Variants in POLR1D observed in about 807,000 individuals in gnomAD.
POLR1D encodes the protein RNA polymerase I and III subunit D, also known as DNA-directed RNA polymerases I and III subunit RPAC2.
Under a neutral mutation model 10.8 loss-of-function variants are expected in POLR1D, and 8 were observed. The observed-to-expected ratio is 0.74, with a 90% confidence interval of 0.43 to 1.33. POLR1D has a LOEUF of 1.33. Ranked by LOEUF, POLR1D falls within the 40% of genes most tolerant of loss-of-function variation. The pLI, the probability that POLR1D is intolerant of heterozygous loss-of-function variation, is 0.01. For synonymous variants in POLR1D, 54 were observed against 57.2 expected, an observed-to-expected ratio of 0.94 and a Z score of 0.25; for missense variants, 152 against 161.7, an observed-to-expected ratio of 0.94 and a Z score of 0.32.
intron 1 of POLR1D, among the ~76,000 whole-genome samples, chr13:27,640,183 C>A (rs1956161480): frequency 6.6e-6 from 1 of 152,092 alleles, no homozygotes; most frequent in African/African-American, 2.4e-5. Context: ...CATATTATAA[C>A]TGTATTCAAA....
chr13:27,659,835 G>C (rs948945171), intron 2 of POLR1D, among the ~76,000 whole-genome samples: 1 of 151,724 alleles, frequency 6.6e-6, no homozygotes, highest in Admixed American at 6.6e-5. Flanking sequence ...CAAAGACAGA[G>C]ACACATAAAC....
At chr13:27,638,602 A>T (rs1956147675) in intron 1 of POLR1D, among the ~76,000 whole-genome samples, 1 of 152,102 alleles carries the variant, frequency 6.6e-6, no homozygotes, top group South Asian at 2.1e-4. Context: ...AGAGACTGAA[A>T]TCTACAAGGG....
intron 1 of POLR1D, among the ~76,000 whole-genome samples, chr13:27,637,455 C>G (rs998792927): frequency 6.6e-6 from 1 of 152,192 alleles, no homozygotes; most frequent in Non-Finnish European, 1.5e-5. Flanking sequence ...CTTATTTGCA[C>G]AGTTGTGCAC....
intron 1 of POLR1D, among the ~76,000 whole-genome samples, chr13:27,640,250 G>A (rs1281538678): frequency 6.6e-5 from 10 of 152,120 alleles, no homozygotes; most frequent in African/African-American, 2.4e-4. Flanking sequence ...CAAATATATA[G>A]ATGCCTCTGT....
chr13:27,644,159 G>T (rs1007593210), intron 1 of POLR1D, among the ~76,000 whole-genome samples: 2 of 151,992 alleles, frequency 1.3e-5, no homozygotes, highest in Non-Finnish European at 2.9e-5. Context: ...TTGAGATTTA[G>T]CTTCTCTGAT....
intron 2 of POLR1D, among the ~76,000 whole-genome samples, chr13:27,651,768 G>C (rs1220853402): frequency 1.3e-5 from 2 of 152,086 alleles, no homozygotes; most frequent in Non-Finnish European, 2.9e-5. Flanking sequence ...AGACCACAAA[G>C]TTTGAGAACC....
chr13:27,625,861 T>C (rs919061068), downstream of POLR1D, among the ~76,000 whole-genome samples: 1 of 152,118 alleles, frequency 6.6e-6, no homozygotes, highest in Non-Finnish European at 1.5e-5. Context: ...CACCTGGAGT[T>C]AACGTGGAGG....
chr13:27,641,893 G>A (rs1474241187), intron 1 of POLR1D, among the ~76,000 whole-genome samples: 1 of 152,186 alleles, frequency 6.6e-6, no homozygotes, highest in Non-Finnish European at 1.5e-5. Flanking sequence ...GTTGGTGGGA[G>A]TGTCTAAGCC....
At chr13:27,636,374 C>T (rs1049615986) in intron 1 of POLR1D, among the ~76,000 whole-genome samples, 1 of 152,092 alleles carries the variant, frequency 6.6e-6, no homozygotes, top group East Asian at 1.9e-4. Flanking sequence ...ACCAGATGGC[C>T]TCTAACTCTA....
intron 2 of POLR1D, chr13:27,651,549 A>G (rs369469489): frequency 9.2e-5 from 14 of 152,226 alleles, no homozygotes; most frequent in African/African-American, 2.4e-4. Context: ...AAATAATCCA[A>G]TGTGAGTCAA....
intron 1 of POLR1D, chr13:27,622,479 C>T (rs1307269373): frequency 3.5e-6 from 1 of 287,522 alleles, no homozygotes; most frequent in African/African-American, 2.2e-5. Flanking sequence ...GCACATTGAT[C>T]ATCTGTATCC....
chr13:27,633,909 T>C (rs1408391349), intron 1 of POLR1D, among the ~76,000 whole-genome samples: 6 of 152,212 alleles, frequency 3.9e-5, no homozygotes, highest in Non-Finnish European at 7.3e-5. Context: ...ATTGGTAATA[T>C]AAAATTAATA....
At chr13:27,666,605 A>T (rs1956421364) in exon 3 of POLR1D, 1 of 152,104 alleles carries the variant, frequency 6.6e-6, no homozygotes, top group Non-Finnish European at 1.5e-5. Context: ...TCTATATTTA[A>T]TTTTTTTAAT....
chr13:27,628,170 G>A (rs968984268), downstream of POLR1D, among the ~76,000 whole-genome samples: 2 of 152,236 alleles, frequency 1.3e-5, no homozygotes, highest in African/African-American at 4.8e-5. Flanking sequence ...CAGGGCTACA[G>A]ATGTGAAAAT....
At chr13:27,630,176 G>A (rs940975450) in intron 1 of POLR1D, among the ~76,000 whole-genome samples, 5 of 152,124 alleles carry the variant, frequency 3.3e-5, no homozygotes, top group Non-Finnish European at 4.4e-5. Context: ...CTCCCAAAGT[G>A]CTGGAATAGC....
In POLR1D at chr13:27,663,587, T is replaced by G. The variant is rs1956386180; in HGVS notation, c.102-2099T>G. On this transcript the variant is annotated intron_variant, in intron 2 of 2. Transcript: ENST00000399697. The surrounding 1 kb of genome is among the most constrained non-coding windows in gnomAD (Gnocchi z 4.1). Reference sequence around the variant, plus strand: ...GAATGCTGCAGTTAGTAGCAGGGCTTTGCTCACCTCGAGGAAGCATTTGGT... The same window carrying G: ...GAATGCTGCAGTTAGTAGCAGGGCTGTGCTCACCTCGAGGAAGCATTTGGT... Among the ~76,000 whole-genome samples, 1 of 152,236 alleles carries G rather than the reference T, an allele frequency of 6.6e-6. No individual in the cohort carries two copies. The highest frequency in any genetic ancestry group is 1.5e-5 in the Non-Finnish European group (1 of 68,034).
intron 2 of POLR1D, among the ~76,000 whole-genome samples, chr13:27,655,183 A>C (rs1956297723): frequency 6.6e-6 from 1 of 152,246 alleles, no homozygotes; most frequent in Non-Finnish European, 1.5e-5. Flanking sequence ...ATAGCCCACT[A>C]GAAAATATAA....
chr13:27,621,780 T>A (rs1955926158), upstream of POLR1D: 1 of 414,212 alleles, frequency 2.4e-6, no homozygotes, highest in Non-Finnish European at 4.3e-6. Flanking sequence ...TCACCCCGCG[T>A]CGGGGCGGGG....
downstream of POLR1D, among the ~76,000 whole-genome samples, chr13:27,628,334 A>G (rs1251888143): frequency 1.3e-5 from 2 of 152,252 alleles, no homozygotes; most frequent in South Asian, 4.1e-4. Flanking sequence ...GGGCCAGGAT[A>G]CGGCAGTGAA....
Sources: allele counts gnomAD v4.1 joint callset (sites outside exome capture counted in the v4.1 genomes callset), GRCh38; gene constraint gnomAD v4.1.1; non-coding constraint Gnocchi (gnomAD v3.1); transcripts MANE v1.5; gene names NCBI Gene and HGNC (gene_info 2026-07-23, HGNC 2026-07-21).